The following UMAD1 variants were observed in gnomAD, a reference collection of about 807,000 sequenced individuals.
The protein encoded by UMAD1 is UBAP1-MVB12-associated (UMA) domain containing 1.
In UMAD1, 8 loss-of-function variants were observed where a neutral mutation model predicts 6.1. That is an observed-to-expected ratio of 1.30 (90% CI 0.76 to 2.35). UMAD1 has a LOEUF of 2.35. Among genes scored for constraint, UMAD1 ranks in the 30% most tolerant of loss-of-function variants. The pLI is 0.00. For synonymous variants in UMAD1, 56 were observed against 31.4 expected, an observed-to-expected ratio of 1.78 and a Z score of -2.61; for missense variants, 130 against 78.4, an observed-to-expected ratio of 1.66 and a Z score of -2.49.
intron 1 of UMAD1, among the ~76,000 whole-genome samples, chr7:7,672,237 C>T (rs1779624411): frequency 1.3e-5 from 2 of 152,300 alleles, no homozygotes; most frequent in Middle Eastern, 6.8e-3. Flanking sequence ...GAACTGTCCT[C>T]AGAATCCTAT....
chr7:7,851,647 G>C (rs1175759457), intron 3 of UMAD1, among the ~76,000 whole-genome samples: 2 of 152,058 alleles, frequency 1.3e-5, no homozygotes, highest in African/African-American at 4.8e-5. Context: ...CATTTCCTTG[G>C]TGACTAGTAA....
Position 7,877,442 on chromosome 7 carries a change from C to G in UMAD1, c.318C>G (p.Asp106Glu), listed in dbSNP as rs1377308025. 1 of 717,704 alleles carries G rather than the reference C, an allele frequency of 1.4e-6. No homozygotes were observed. Among genetic ancestry groups the G allele is most frequent in the Non-Finnish European group, 2.6e-6 (1 of 385,138 alleles). The allele number at this position is 717,704 out of a possible 1,614,324, so 44.5% of individuals were successfully genotyped here. The change falls in exon 4 of 4, where the codon GAC (aspartate) becomes GAG (glutamate). Residue 106 changes from aspartate to glutamate, a missense_variant. By Grantham distance (45) the Asp-to-Glu change is conservative. Coordinates refer to ENST00000682710, the MANE Select transcript of UMAD1 (RefSeq NM_001302348.2). ...HVLAVQGTITDLPDHLLSYDG... is the reference protein window; with the variant it reads ...HVLAVQGTITELPDHLLSYDG... ...TGGCAGTACAGGGCACCATCACTGA[C>G]CTTCCCGACCACTTACTCTCCTATG... is the stretch of plus-strand genomic sequence containing the variant.
At chr7:7,811,916 C>T (rs1464994277) in intron 3 of UMAD1, among the ~76,000 whole-genome samples, 1 of 151,982 alleles carries the variant, frequency 6.6e-6, no homozygotes, top group African/African-American at 2.4e-5. Context: ...TTCTTTTAGT[C>T]TATAGGTAAT....
At chr7:7,763,337 A>C (rs1441384986) in intron 2 of UMAD1, among the ~76,000 whole-genome samples, 1 of 152,180 alleles carries the variant, frequency 6.6e-6, no homozygotes, top group Non-Finnish European at 1.5e-5. Flanking sequence ...CATAATGCTA[A>C]GGTTTGGGGT....
chr7:7,799,324 C>T (rs1351589416), intron 2 of UMAD1, among the ~76,000 whole-genome samples: 1 of 152,200 alleles, frequency 6.6e-6, no homozygotes, highest in Admixed American at 6.5e-5. Flanking sequence ...CTATCTGAGT[C>T]ATCGCCAGAC....
intron 3 of UMAD1, among the ~76,000 whole-genome samples, chr7:7,804,917 G>T (rs1388640012): frequency 1.3e-5 from 2 of 152,008 alleles, no homozygotes; most frequent in African/African-American, 4.8e-5. Context: ...GGAGGCGGGG[G>T]TTGCAGTGAG....
intron 3 of UMAD1, among the ~76,000 whole-genome samples, chr7:7,859,221 C>A (rs184507335): frequency 1.3e-5 from 2 of 152,108 alleles, no homozygotes; most frequent in African/African-American, 4.8e-5. Context: ...CTATTGTGAA[C>A]TCATTAGCCT....
At chr7:7,699,248 A>G (rs1278629341) in intron 2 of UMAD1, among the ~76,000 whole-genome samples, 1 of 152,158 alleles carries the variant, frequency 6.6e-6, no homozygotes, top group Non-Finnish European at 1.5e-5. Flanking sequence ...CCTTCTTATC[A>G]GACTCATTTT....
chr7:7,762,552 A>G (rs867301285), intron 2 of UMAD1, among the ~76,000 whole-genome samples: 8 of 152,242 alleles, frequency 5.3e-5, no homozygotes, highest in Middle Eastern at 6.8e-3. Context: ...GCAAATTGCT[A>G]TGGGATGCCT....
At chr7:7,847,664 G>A (rs929234164) in intron 3 of UMAD1, among the ~76,000 whole-genome samples, 3 of 152,060 alleles carry the variant, frequency 2.0e-5, no homozygotes, top group Admixed American at 6.6e-5. Context: ...ACACTGGACT[G>A]TAATTCTCAC....
chr7:7,791,894 A>T (rs1188908572), intron 2 of UMAD1, among the ~76,000 whole-genome samples: 2 of 152,258 alleles, frequency 1.3e-5, no homozygotes, highest in African/African-American at 4.8e-5. Context: ...TTGTATAGAA[A>T]TATGTATGAA....
At position 7,760,099 on chromosome 7, in the gene UMAD1, C is replaced by T. The variant is rs563815643; in HGVS notation, c.83-41571C>T. 4.3e-4 allele frequency among the ~76,000 whole-genome samples: 65 copies of T among 152,086 alleles called. No individual in the cohort carries two copies. The South Asian group carries it at 4.6e-3, about 11-fold the overall frequency. On this transcript the variant is annotated intron_variant, in intron 2 of 3. Transcript: ENST00000682710. ...TTCTGGAACACTTGCTCTTGGAGCC[C>T]GGAGCCACCATTTAAGAAGTCCAAC...
intron 2 of UMAD1, among the ~76,000 whole-genome samples, chr7:7,720,696 T>C (rs1441305946): frequency 2.0e-5 from 3 of 152,178 alleles, no homozygotes; most frequent in Non-Finnish European, 4.4e-5. Context: ...TTTGTGTATT[T>C]TTATTTAAAC....
chr7:7,853,374 A>T (rs1563261134), intron 3 of UMAD1, among the ~76,000 whole-genome samples: 1 of 152,048 alleles, frequency 6.6e-6, no homozygotes, highest in Non-Finnish European at 1.5e-5. Context: ...TCTGATAAGG[A>T]TTGCATTGAT....
intron 2 of UMAD1, among the ~76,000 whole-genome samples, chr7:7,678,524 AT>A (rs1779811029): frequency 7.1e-6 from 1 of 140,470 alleles, no homozygotes; most frequent in Non-Finnish European, 1.5e-5. Flanking sequence ...AGATAAATAT[AT>A]TTATATACTT....
At chr7:7,781,431 C>G (rs1782342542) in intron 2 of UMAD1, among the ~76,000 whole-genome samples, 2 of 151,580 alleles carry the variant, frequency 1.3e-5, no homozygotes, top group Non-Finnish European at 2.9e-5. Flanking sequence ...CACTGGAGAT[C>G]TTATGAAATT....
chr7:7,752,465 T>G (rs1781696382), intron 2 of UMAD1, among the ~76,000 whole-genome samples: 1 of 152,106 alleles, frequency 6.6e-6, no homozygotes, highest in Non-Finnish European at 1.5e-5. Context: ...TATATATTAG[T>G]TGCCACATAT....
At chr7:7,876,924 T>C in intron 3 of UMAD1, among the ~76,000 whole-genome samples, 1 of 152,212 alleles carries the variant, frequency 6.6e-6, no homozygotes, top group Middle Eastern at 3.2e-3. Context: ...ACTCCATTGA[T>C]ACAAGATTTT....
intron 3 of UMAD1, among the ~76,000 whole-genome samples, chr7:7,815,191 A>G (rs1362691895): frequency 2.0e-5 from 3 of 152,156 alleles, no homozygotes; most frequent in African/African-American, 7.2e-5. Flanking sequence ...AGCTGTAAGA[A>G]TGTGAACTGT....
Sources: allele counts gnomAD v4.1 joint callset (sites outside exome capture counted in the v4.1 genomes callset), GRCh38; gene constraint gnomAD v4.1.1; transcripts MANE v1.5; gene names NCBI Gene and HGNC (gene_info 2026-07-23, HGNC 2026-07-21).